The following NREP variants were observed in gnomAD, a reference collection of about 807,000 sequenced individuals.
The protein encoded by NREP is neuronal regeneration-related protein.
In NREP, 5 loss-of-function variants were observed where a neutral mutation model predicts 8.6. The ratio of observed to expected loss-of-function variants is 0.58; its 90% CI spans 0.30 to 1.22. NREP has a LOEUF of 1.22. Ranked by LOEUF, NREP falls within the 50% of genes most tolerant of loss-of-function variation. The pLI, the probability that NREP is intolerant of heterozygous loss-of-function variation, is 0.07. For synonymous variants in NREP, 27 were observed against 28.0 expected, an observed-to-expected ratio of 0.96 and a Z score of 0.11; for missense variants, 86 against 82.5, an observed-to-expected ratio of 1.04 and a Z score of -0.17.
At chr5:111,779,745 A>G (rs905888755) in intron 2 of NREP, among the ~76,000 whole-genome samples, 1 of 152,172 alleles carries the variant, frequency 6.6e-6, no homozygotes, top group African/African-American at 2.4e-5. Flanking sequence ...TCCTGGGTCA[A>G]TCCATTTCTG....
chr5:111,819,986 A>G (rs921408845), intron 2 of NREP, among the ~76,000 whole-genome samples: 1 of 152,186 alleles, frequency 6.6e-6, no homozygotes, highest in Non-Finnish European at 1.5e-5. Flanking sequence ...ATACTGACAA[A>G]GACTCTCTCC....
intron 2 of NREP, among the ~76,000 whole-genome samples, chr5:111,894,622 A>G (rs1754465668): frequency 6.6e-6 from 1 of 152,166 alleles, no homozygotes; most frequent in Admixed American, 6.5e-5. Flanking sequence ...CCAGTTCCAA[A>G]GACAAATTAA....
At chr5:111,750,029 G>C (rs529625992) in intron 2 of NREP, among the ~76,000 whole-genome samples, 6 of 152,150 alleles carry the variant, frequency 3.9e-5, no homozygotes, top group Non-Finnish European at 5.9e-5. Context: ...TAACCTGAGT[G>C]AGAGCCCTGG....
At position 111,803,964 on chromosome 5, in the gene NREP, A is replaced by G. The variant is rs1255090333; in HGVS notation, c.136-68457T>C. 3.3e-5 allele frequency among the ~76,000 whole-genome samples: 5 copies of G among 152,348 alleles called. No homozygotes were observed. In the East Asian group the frequency reaches 9.6e-4, roughly 29 times the overall value. The stretch of plus-strand genomic sequence containing the variant: ...ATATCAGTTCTCCATAGATTAATTT[A>G]TAACTATAATGCAACCCCAATACAA... On this transcript the variant is annotated intron_variant, in intron 2 of 3. Transcript: ENST00000395634.
chr5:111,972,353 A>C (rs1337571222), intron 2 of NREP, among the ~76,000 whole-genome samples: 1 of 152,186 alleles, frequency 6.6e-6, no homozygotes, highest in African/African-American at 2.4e-5. Context: ...TAAAAATTAA[A>C]ATTAAAAATA....
At chr5:111,745,280 T>C (rs934888645) in intron 2 of NREP, among the ~76,000 whole-genome samples, 2 of 152,206 alleles carry the variant, frequency 1.3e-5, no homozygotes, top group African/African-American at 4.8e-5. Flanking sequence ...TCAGGGAACC[T>C]GCCCAAGGTC....
rs10063079 is a variant in NREP at position 111,941,265 on chromosome 5, A to T, written c.135+34009T>A. Among the ~76,000 whole-genome samples, 3 of 152,016 alleles carry T rather than the reference A, an allele frequency of 2.0e-5. No homozygotes were observed. In the South Asian group the frequency reaches 6.2e-4, roughly 32 times the overall value. ...TATCTTGTTATAATCTAGAGTATAA[A>T]ACCTGGGTGAAAGCCCAACATCACA... On this transcript the variant is annotated intron_variant, in intron 2 of 3. Coordinates refer to the NREP transcript ENST00000395634.
chr5:111,968,619 C>T (rs972309208), intron 2 of NREP, among the ~76,000 whole-genome samples: 2 of 152,190 alleles, frequency 1.3e-5, no homozygotes, highest in Non-Finnish European at 2.9e-5. Flanking sequence ...TCAACACCAT[C>T]ATTTCAGTTA....
intron 2 of NREP, among the ~76,000 whole-genome samples, chr5:111,741,525 A>G (rs1338329669): frequency 2.0e-5 from 3 of 152,142 alleles, no homozygotes; most frequent in Non-Finnish European, 4.4e-5. Context: ...TCTGAACAAC[A>G]TTACATCAAA....
chr5:111,914,540 A>T (rs933976209), intron 2 of NREP, among the ~76,000 whole-genome samples: 7 of 152,142 alleles, frequency 4.6e-5, no homozygotes, highest in Admixed American at 6.6e-5. Flanking sequence ...TACAGAATGT[A>T]AGGTCCCGTT....
chr5:111,893,405 C>CT (rs199907279), intron 2 of NREP, among the ~76,000 whole-genome samples: 1 of 151,592 alleles, frequency 6.6e-6, no homozygotes, highest in Non-Finnish European at 1.5e-5. Context: ...ATTCTTACAG[C>CT]TTTTTTTTCC....
At chr5:111,882,975 A>C (rs1165848883) in intron 2 of NREP, among the ~76,000 whole-genome samples, 1 of 152,228 alleles carries the variant, frequency 6.6e-6, no homozygotes, top group Non-Finnish European at 1.5e-5. Context: ...CACACATAAC[A>C]ATATTAACTT....
intron 2 of NREP, among the ~76,000 whole-genome samples, chr5:111,812,188 G>A (rs1480536399): frequency 6.6e-6 from 1 of 152,164 alleles, no homozygotes. Flanking sequence ...TTGGGAGGCT[G>A]AGGTGGGAAG....
intron 2 of NREP, among the ~76,000 whole-genome samples, chr5:111,879,789 A>T (rs1043007198): frequency 6.6e-6 from 1 of 152,128 alleles, no homozygotes; most frequent in African/African-American, 2.4e-5. Context: ...CAGAAAGCCA[A>T]CTTCTTTTTG....
chr5:111,906,610 G>A (rs1754785117), intron 2 of NREP, among the ~76,000 whole-genome samples: 1 of 151,948 alleles, frequency 6.6e-6, no homozygotes, highest in South Asian at 2.1e-4. Flanking sequence ...GATCCCCTTT[G>A]GCAGAGTTAA....
chr5:111,782,748 T>C (rs1388985800), intron 2 of NREP, among the ~76,000 whole-genome samples: 1 of 150,830 alleles, frequency 6.6e-6, no homozygotes, highest in African/African-American at 2.4e-5. Flanking sequence ...TTTTTTTTCT[T>C]TTTTTTTTGA....
At chr5:111,960,837 G>A (rs1007727015) in intron 2 of NREP, among the ~76,000 whole-genome samples, 2 of 152,110 alleles carry the variant, frequency 1.3e-5, no homozygotes, top group Non-Finnish European at 2.9e-5. Flanking sequence ...AAAATGTTAA[G>A]CAGTTAGGTA....
At chr5:111,959,953 T>C (rs2112650980) in intron 2 of NREP, among the ~76,000 whole-genome samples, 1 of 152,092 alleles carries the variant, frequency 6.6e-6, no homozygotes, top group South Asian at 2.1e-4. Context: ...AATAAAATAG[T>C]TGAGGTGGGA....
At chr5:111,908,887 C>T (rs1305874432) in intron 2 of NREP, among the ~76,000 whole-genome samples, 6 of 151,964 alleles carry the variant, frequency 3.9e-5, no homozygotes, top group Non-Finnish European at 8.8e-5. Flanking sequence ...CAACAGCATC[C>T]GTTGTTTTTC....
Sources: gnomAD v4.1 joint callset for allele counts (sites outside exome capture counted in the v4.1 genomes callset) on GRCh38, gnomAD v4.1.1 for gene constraint, MANE v1.5 for transcripts, NCBI Gene and HGNC (gene_info 2026-07-23, HGNC 2026-07-21) for gene names.